PDE4D: variants seen among roughly 807,000 people sequenced by gnomAD.
PDE4D encodes 3',5'-cyclic-AMP phosphodiesterase 4D.
PDE4D carries 24 observed loss-of-function variants against 87.4 expected under a neutral mutation model. The observed-to-expected ratio is 0.27, with a 90% CI of 0.20 to 0.39. The LOEUF (loss-of-function observed/expected upper bound fraction) is 0.39, where lower values mean the gene tolerates loss of function less well. Among genes scored for constraint, PDE4D ranks in the 10% least tolerant of loss-of-function variants. PDE4D has a pLI of 1.00. For synonymous variants in PDE4D, 384 were observed against 383.2 expected (o/e 1.00, Z -0.02); for missense variants, 714 against 1,041.0 (o/e 0.69, Z 4.32).
intron 1 of PDE4D, among the ~76,000 whole-genome samples, chr5:59,650,592 T>C (rs760146305): frequency 2.7e-4 from 41 of 152,172 alleles, no homozygotes; most frequent in Non-Finnish European, 4.7e-4. Flanking sequence ...CATTCTTAAG[T>C]GTGATTTAAG....
chr5:59,609,376 G>GCACACACACACACACA (rs1247729994), intron 1 of PDE4D, among the ~76,000 whole-genome samples: 3 of 20,638 alleles, frequency 1.5e-4, no homozygotes, highest in Non-Finnish European at 3.3e-4. Context: ...ATTTGTATAT[G>GCACACACACACACACA]TACACACACA....
intron 1 of PDE4D, among the ~76,000 whole-genome samples, chr5:59,531,256 A>G (rs1221996636): frequency 6.6e-6 from 1 of 152,112 alleles, no homozygotes; most frequent in Non-Finnish European, 1.5e-5. Flanking sequence ...TGTTTCCTTC[A>G]TCTGAAATGT....
intron 5 of PDE4D, among the ~76,000 whole-genome samples, chr5:59,081,266 C>T (rs1766691900): frequency 6.6e-6 from 1 of 151,978 alleles, no homozygotes; most frequent in South Asian, 2.1e-4. Context: ...AACTACAAAA[C>T]TATTAAGAGC....
chr5:60,111,953 G>C (rs1777732172), intron 2 of PDE4D, among the ~76,000 whole-genome samples: 1 of 151,824 alleles, frequency 6.6e-6, no homozygotes, highest in Non-Finnish European at 1.5e-5. Flanking sequence ...AACCTTAACA[G>C]TTATTTAATT....
intron 1 of PDE4D, among the ~76,000 whole-genome samples, chr5:60,476,990 C>G (rs996665336): frequency 6.6e-6 from 1 of 152,140 alleles, no homozygotes; most frequent in African/African-American, 2.4e-5. Context: ...ATGGAAGTCA[C>G]TCAACAAATA....
intron 1 of PDE4D, among the ~76,000 whole-genome samples, chr5:59,704,361 G>T (rs575630163): frequency 6.6e-6 from 1 of 152,286 alleles, no homozygotes; most frequent in African/African-American, 2.4e-5. Context: ...TGTAATTAGT[G>T]AAAACATGCT....
chr5:59,194,252 G>T (rs1055097378), intron 2 of PDE4D, among the ~76,000 whole-genome samples: 2 of 152,180 alleles, frequency 1.3e-5, no homozygotes, highest in Admixed American at 6.5e-5. Context: ...GGGGCCCAGG[G>T]TTCTTTTGTG....
intron 1 of PDE4D, among the ~76,000 whole-genome samples, chr5:60,499,790 C>A (rs1168036944): frequency 6.6e-6 from 1 of 152,098 alleles, no homozygotes; most frequent in Admixed American, 6.6e-5. Context: ...CTGGCCCAGA[C>A]CATTTATAAA....
chr5:59,458,056 C>T (rs1800197136), intron 1 of PDE4D, among the ~76,000 whole-genome samples: 3 of 152,160 alleles, frequency 2.0e-5, no homozygotes, highest in Admixed American at 6.5e-5. Context: ...TTCTGATCTG[C>T]TTTCTTATTA....
intron 1 of PDE4D, among the ~76,000 whole-genome samples, chr5:59,803,930 A>G (rs1269241501): frequency 2.0e-5 from 3 of 152,218 alleles, no homozygotes; most frequent in Non-Finnish European, 2.9e-5. Flanking sequence ...CAGGTACTCA[A>G]AAAATAGTTA....
At chr5:59,550,550 T>C (rs1817944728) in intron 1 of PDE4D, among the ~76,000 whole-genome samples, 2 of 152,204 alleles carry the variant, frequency 1.3e-5, no homozygotes, top group African/African-American at 2.4e-5. Context: ...TAATCTTGAA[T>C]ACTCTTTAGA....
intron 1 of PDE4D, among the ~76,000 whole-genome samples, chr5:60,405,351 C>A (rs2150054326): frequency 6.6e-6 from 1 of 152,352 alleles, no homozygotes; most frequent in East Asian, 1.9e-4. Flanking sequence ...TAACTCTCCT[C>A]CATTCTCAAC....
chr5:60,093,011 C>T (rs948030311), intron 2 of PDE4D, among the ~76,000 whole-genome samples: 6 of 152,136 alleles, frequency 3.9e-5, no homozygotes, highest in African/African-American at 1.4e-4. Flanking sequence ...CAGAATCAAA[C>T]CAACAGCTTA....
intron 1 of PDE4D, among the ~76,000 whole-genome samples, chr5:59,306,460 T>C (rs1222600856): frequency 6.6e-6 from 1 of 152,206 alleles, no homozygotes; most frequent in Non-Finnish European, 1.5e-5. Flanking sequence ...TTTTGTTTTG[T>C]TTTGTTTTCG....
intron 5 of PDE4D, among the ~76,000 whole-genome samples, chr5:59,056,991 C>T (rs865923948): frequency 2.6e-5 from 4 of 152,160 alleles, no homozygotes; most frequent in African/African-American, 9.7e-5. Flanking sequence ...TTCTCCTCTC[C>T]ATGAACTGGG....
At chr5:59,782,995 G>A (rs1368409196) in intron 1 of PDE4D, among the ~76,000 whole-genome samples, 1 of 151,948 alleles carries the variant, frequency 6.6e-6, no homozygotes, top group Non-Finnish European at 1.5e-5. Flanking sequence ...TTGCATCCTG[G>A]CCCCTTCCAA....
At chr5:59,975,094 G>A (rs138958663) in intron 3 of PDE4D, among the ~76,000 whole-genome samples, 80 of 152,202 alleles carry the variant, frequency 5.3e-4, no homozygotes, top group Admixed American at 1.2e-3. Context: ...AAAACTTCTC[G>A]TTTGACATCT....
intron 1 of PDE4D, among the ~76,000 whole-genome samples, chr5:59,737,171 A>G (rs1758182420): frequency 6.6e-6 from 1 of 152,198 alleles, no homozygotes. Flanking sequence ...CTAATTGAGT[A>G]CAATGACTTT....
At chr5:59,784,907 G>GTT (rs151144782) in intron 1 of PDE4D, among the ~76,000 whole-genome samples, 1,544 of 152,090 alleles carry the variant, frequency 0.01, 24 homozygotes, top group East Asian at 0.034. Context: ...CTTTTTCATG[G>GTT]TTTTTCTCTC....
Sources: allele counts gnomAD v4.1 joint callset (sites outside exome capture counted in the v4.1 genomes callset), GRCh38; gene constraint gnomAD v4.1.1; transcripts MANE v1.5; gene names NCBI Gene and HGNC (gene_info 2026-07-23, HGNC 2026-07-21).